TRUB1: variants seen among roughly 807,000 people sequenced by gnomAD.
The protein encoded by TRUB1 is pseudouridylate synthase TRUB1.
A neutral mutation model predicts 33.9 loss-of-function variants in TRUB1; 23 were observed. That is an observed-to-expected ratio of 0.68 (90% CI 0.49 to 0.96). The LOEUF (loss-of-function observed/expected upper bound fraction) is 0.96, where lower values mean the gene tolerates loss of function less well. TRUB1 is among the 40% of genes least tolerant of loss of function. TRUB1 has a pLI of 0.00. For missense variants in TRUB1, 378 were observed against 422.2 expected, an observed-to-expected ratio of 0.90 and a Z score of 0.92; for synonymous variants, 163 against 165.4, an observed-to-expected ratio of 0.99 and a Z score of 0.11.
intron 3 of TRUB1, among the ~76,000 whole-genome samples, chr10:114,951,488 T>C (rs1483629704): frequency 6.6e-6 from 1 of 152,230 alleles, no homozygotes; most frequent in East Asian, 1.9e-4. Flanking sequence ...GGAATTTTTA[T>C]AGAAACAATA....
intron 4 of TRUB1, among the ~76,000 whole-genome samples, chr10:114,969,962 A>C (rs1564701902): frequency 6.6e-6 from 1 of 152,242 alleles, no homozygotes; most frequent in Non-Finnish European, 1.5e-5. Flanking sequence ...AGAGAAACTT[A>C]GAAAAGAACT....
At chr10:114,941,931 C>CCT (rs2084189047) in intron 1 of TRUB1, among the ~76,000 whole-genome samples, 1 of 152,104 alleles carries the variant, frequency 6.6e-6, no homozygotes, top group African/African-American at 2.4e-5. Context: ...ACTACAGGCA[C>CCT]CCGCCACCAC....
chr10:114,958,318 C>T (rs1025928061), intron 3 of TRUB1, among the ~76,000 whole-genome samples: 1 of 152,058 alleles, frequency 6.6e-6, no homozygotes, highest in Admixed American at 6.5e-5. Context: ...TTGTCAATAC[C>T]TATGAAACTT....
chr10:114,951,833 T>A lies in TRUB1; in HGVS notation c.441+684T>A, dbSNP rs2084236838. 2.0e-5 allele frequency among the ~76,000 whole-genome samples: 3 copies of A among 152,180 alleles called. No individual in the cohort carries two copies. The East Asian group carries it at 5.8e-4, about 29-fold the overall frequency. On this transcript the variant is annotated intron_variant, in intron 3 of 7. Coordinates refer to ENST00000298746, the MANE Select transcript of TRUB1 (RefSeq NM_139169.5). ...AATGAAAATGCACGTGGAAGGAAGC[T>A]TAGTATGCCAAGAGGTAGCGAAAAA...
chr10:114,973,325 G>C (rs1207288265), intron 6 of TRUB1, among the ~76,000 whole-genome samples: 1 of 152,154 alleles, frequency 6.6e-6, no homozygotes, highest in Non-Finnish European at 1.5e-5. Context: ...TTGCATTTAA[G>C]TCAGAAATAT....
intron 3 of TRUB1, among the ~76,000 whole-genome samples, chr10:114,956,223 A>AT (rs2084261279): frequency 6.6e-6 from 1 of 152,190 alleles, no homozygotes; most frequent in South Asian, 2.1e-4. Flanking sequence ...GGTCAATGGA[A>AT]TGTTCTTCAG....
intron 4 of TRUB1, chr10:114,969,559 A>T (rs2084325890): frequency 6.6e-6 from 1 of 152,188 alleles, no homozygotes; most frequent in African/African-American, 2.4e-5. Flanking sequence ...AAGCAATACC[A>T]AACAAAAGCT....
intron 7 of TRUB1, among the ~76,000 whole-genome samples, chr10:114,974,669 C>G (rs2084352029): frequency 6.6e-6 from 1 of 151,196 alleles, no homozygotes; most frequent in South Asian, 2.1e-4. Flanking sequence ...AAGATTTTAA[C>G]TCAAACTAGG....
chr10:114,965,751 A>G (rs2084304953), intron 4 of TRUB1, among the ~76,000 whole-genome samples: 2 of 152,066 alleles, frequency 1.3e-5, no homozygotes. Flanking sequence ...TATTGGATAT[A>G]CTATTTTTTA....
chr10:114,943,414 CA>C (rs945928371), intron 2 of TRUB1, among the ~76,000 whole-genome samples: 1 of 152,182 alleles, frequency 6.6e-6, no homozygotes, highest in African/African-American at 2.4e-5. Flanking sequence ...CCTGTAATCC[CA>C]GCTACTTGGG....
At chr10:114,951,957 G>A (rs1379144363) in intron 3 of TRUB1, among the ~76,000 whole-genome samples, 3 of 152,120 alleles carry the variant, frequency 2.0e-5, no homozygotes, top group African/African-American at 7.2e-5. Context: ...AAAAAAATCT[G>A]TTGTCAAAGA....
chr10:114,942,018 T>G (rs1221974361), intron 1 of TRUB1, among the ~76,000 whole-genome samples: 2 of 151,336 alleles, frequency 1.3e-5, no homozygotes, highest in African/African-American at 4.9e-5. Flanking sequence ...TCTCCTGACC[T>G]CGTGATCCGC....
At chr10:114,970,517 C>T (rs1033904722) in intron 5 of TRUB1, 77 bp downstream of exon 5, 15 of 1,091,784 alleles carry the variant, frequency 1.4e-5, no homozygotes, top group Middle Eastern at 2.0e-4. Context: ...TTAAAATACA[C>T]GAGTTTCCTC....
At chr10:114,958,949 A>G (rs1202716006) in intron 3 of TRUB1, among the ~76,000 whole-genome samples, 2 of 152,104 alleles carry the variant, frequency 1.3e-5, no homozygotes, top group Non-Finnish European at 2.9e-5. Flanking sequence ...CAGCCTGACA[A>G]CATGGTGAAA....
At chr10:114,941,894 C>T (rs969789895) in intron 1 of TRUB1, among the ~76,000 whole-genome samples, 1 of 152,104 alleles carries the variant, frequency 6.6e-6, no homozygotes, top group Non-Finnish European at 1.5e-5. Flanking sequence ...ACACCATTCT[C>T]CTGCCTCAGC....
At chr10:114,946,295 A>G (rs2084210926) in intron 2 of TRUB1, among the ~76,000 whole-genome samples, 1 of 152,142 alleles carries the variant, frequency 6.6e-6, no homozygotes, top group Admixed American at 6.5e-5. Context: ...TAGTATATAG[A>G]TATATACTTT....
At chr10:114,974,218 C>G (rs1236615517) in intron 6 of TRUB1, 111 bp from the exon 7 acceptor site, 21 of 749,854 alleles carry the variant, frequency 2.8e-5, no homozygotes, top group Non-Finnish European at 3.6e-5. Flanking sequence ...AATATTTTAT[C>G]ACTCAATTGT....
Position 114,977,563 on chromosome 10 carries a change from G to A in TRUB1, c.*2184G>A, listed in dbSNP as rs2084367214. On this transcript the variant is annotated 3_prime_UTR_variant, in exon 8 of 8. Coordinates refer to ENST00000298746, the MANE Select transcript of TRUB1 (RefSeq NM_139169.5). ...CATTTGAGTAGGGGTTTTATATGTT[G>A]TTGCTAATTTAGTAAACATAGGAGA... 1 of 151,850 alleles carries A rather than the reference G, an allele frequency of 6.6e-6. No individual in the cohort carries two copies. The highest frequency in any genetic ancestry group is 1.5e-5 in the Non-Finnish European group (1 of 67,860). 9.4% of individuals were successfully genotyped at this position (151,850 alleles called of 1,614,324 possible).
chr10:114,961,614 C>G (rs2084285511), intron 4 of TRUB1, among the ~76,000 whole-genome samples: 2 of 152,254 alleles, frequency 1.3e-5, no homozygotes, highest in South Asian at 4.1e-4. Flanking sequence ...TGCAGTAAAT[C>G]ATAGAGAAAC....
Sources: gnomAD v4.1 joint callset for allele counts (sites outside exome capture counted in the v4.1 genomes callset) on GRCh38, gnomAD v4.1.1 for gene constraint, MANE v1.5 for transcripts, NCBI Gene and HGNC (gene_info 2026-07-23, HGNC 2026-07-21) for gene names.